The following PRKAG2 variants were observed in gnomAD, a reference collection of about 807,000 sequenced individuals.
PRKAG2 encodes the protein 5'-AMP-activated protein kinase subunit gamma-2.
In PRKAG2, 26 loss-of-function variants were observed where a neutral mutation model predicts 69.6. That is an observed-to-expected ratio of 0.37 (90% CI 0.27 to 0.52). The LOEUF (loss-of-function observed/expected upper bound fraction) is 0.52. PRKAG2 is among the 20% of genes least tolerant of loss of function. The probability of loss-of-function intolerance (pLI) is 0.90; values close to 1 mark genes in which losing one functional copy is unlikely to be tolerated. For synonymous variants in PRKAG2, 293 were observed against 285.0 expected, an observed-to-expected ratio of 1.03 and a Z score of -0.28; for missense variants, 557 against 740.0, an observed-to-expected ratio of 0.75 and a Z score of 2.87.
chr7:151,589,222 G>A lies in PRKAG2; in HGVS notation c.864+6123C>T, dbSNP rs115662703. 4.4e-3 allele frequency among the ~76,000 whole-genome samples: 663 copies of A among 152,318 alleles called. 5 individuals carry two copies. The highest frequency in any genetic ancestry group is 0.015 in the African/African-American group (612 of 41,570). On this transcript the variant is annotated intron_variant, in intron 6 of 15. Coordinates refer to ENST00000287878, the MANE Select transcript of PRKAG2 (RefSeq NM_016203.4). The stretch of plus-strand genomic sequence containing the variant: ...CACCGAGGCACCTCCTGTAGCAGCG[G>A]CTGAATACAGTTTGTTGTTTTCCCA...
At chr7:151,625,983 A>T (rs1822791932) in intron 5 of PRKAG2, among the ~76,000 whole-genome samples, 1 of 152,004 alleles carries the variant, frequency 6.6e-6, no homozygotes, top group African/African-American at 2.4e-5. Flanking sequence ...ATGGGTAAGG[A>T]CTCAGCACAG....
Position 151,658,196 on chromosome 7 carries a change from A to AATAAATAAATAT in PRKAG2, c.684+17223_684+17224insATATTTATTTAT, listed in dbSNP as rs60693509. Among the ~76,000 whole-genome samples, 305 of 142,374 alleles carry AATAAATAAATAT rather than the reference A, an allele frequency of 2.1e-3. 3 individuals are homozygous for AATAAATAAATAT. The highest frequency in any genetic ancestry group is 6.9e-3 in the African/African-American group (263 of 37,890). 93.4% of individuals were successfully genotyped at this position (142,374 alleles called of 152,430 possible). A position where few individuals can be genotyped will look rare whatever the true frequency, so the allele number is the denominator to read the frequency against. ...AAATAAATAAATAAATAAATAAATA[A>AATAAATAAATAT]GAATAATAGGGCTGGGTGCAGTGGC... On this transcript the variant is annotated intron_variant, in intron 4 of 15. Transcript: ENST00000287878.
At chr7:151,817,089 G>T (rs545862252) in intron 1 of PRKAG2, among the ~76,000 whole-genome samples, 1 of 152,246 alleles carries the variant, frequency 6.6e-6, no homozygotes, top group South Asian at 2.1e-4. Flanking sequence ...CGCAAGCACG[G>T]TCACTGTCTT....
intron 3 of PRKAG2, among the ~76,000 whole-genome samples, chr7:151,728,853 G>T (rs907578655): frequency 1.3e-5 from 2 of 152,162 alleles, no homozygotes; most frequent in African/African-American, 4.8e-5. Flanking sequence ...ATGCTCACCT[G>T]TTCCTGGGGA....
chr7:151,695,422 G>C (rs932829599), intron 3 of PRKAG2, among the ~76,000 whole-genome samples: 2 of 152,164 alleles, frequency 1.3e-5, no homozygotes, highest in Non-Finnish European at 2.9e-5. Context: ...AGTCCAGAGA[G>C]CATGAGCCCA....
chr7:151,595,862 A>C (rs932471128), intron 5 of PRKAG2, among the ~76,000 whole-genome samples: 2 of 152,164 alleles, frequency 1.3e-5, no homozygotes, highest in African/African-American at 4.8e-5. Flanking sequence ...AAAAGTTGGA[A>C]GCTTTCCCTT....
intron 3 of PRKAG2, among the ~76,000 whole-genome samples, chr7:151,749,862 C>T (rs1308386704): frequency 2.0e-5 from 3 of 151,448 alleles, no homozygotes; most frequent in East Asian, 1.9e-4. Context: ...TTTGGGAGGC[C>T]GAGGTGGGCA....
intron 4 of PRKAG2, among the ~76,000 whole-genome samples, chr7:151,646,609 C>T (rs755033012): frequency 7.2e-5 from 11 of 152,178 alleles, no homozygotes; most frequent in Non-Finnish European, 1.0e-4. Flanking sequence ...TAAGTAATCA[C>T]ATCATCTACT....
chr7:151,593,518 T>C (rs1440417134), intron 6 of PRKAG2, among the ~76,000 whole-genome samples: 2 of 152,120 alleles, frequency 1.3e-5, no homozygotes, highest in Non-Finnish European at 2.9e-5. Flanking sequence ...TTTAAGTTGG[T>C]AGAAATGCCG....
chr7:151,856,234 G>A (rs1292250472), intron 1 of PRKAG2, among the ~76,000 whole-genome samples: 1 of 152,206 alleles, frequency 6.6e-6, no homozygotes, highest in African/African-American at 2.4e-5. Flanking sequence ...GGGCCATCAG[G>A]GAGCCTGTCC....
rs115241491 is a variant in PRKAG2 at position 151,662,568 on chromosome 7, T to C, written c.684+12852A>G. On this transcript the variant is annotated intron_variant, in intron 4 of 15. Coordinates refer to ENST00000287878, the MANE Select transcript of PRKAG2 (RefSeq NM_016203.4). ...TTACTGGTTTTCTGGTTTAGTCTTT[T>C]CCGCATAAATTCCAGCCTCTAGCCT... Among the ~76,000 whole-genome samples the C allele has an allele frequency of 4.5e-3, 693 of 152,318 alleles. 3 individuals are homozygous for C. The highest frequency in any genetic ancestry group is 0.017 in the Middle Eastern group (5 of 294).
At position 151,850,707 on chromosome 7, in the gene PRKAG2, G is replaced by A. The variant is rs1036152371; in HGVS notation, c.114+25800C>T. Among the ~76,000 whole-genome samples the A allele has an allele frequency of 3.3e-5, 5 of 152,216 alleles. No homozygotes were observed. The highest frequency in any genetic ancestry group is 4.8e-5 in the African/African-American group (2 of 41,456). On this transcript the variant is annotated intron_variant, in intron 1 of 15. Transcript: ENST00000287878. This position sits in a 1 kb window ranked among gnomAD's most constrained non-coding sequence, Gnocchi z 4.1. Reference sequence around the variant, plus strand: ...CCCACCAGCATCCACCCGCCCCACCGGCTTCTGCCAGAGGGAGGAGTCAGA... The same window carrying A: ...CCCACCAGCATCCACCCGCCCCACCAGCTTCTGCCAGAGGGAGGAGTCAGA...
chr7:151,588,836 T>C (rs1563199330), intron 6 of PRKAG2, among the ~76,000 whole-genome samples: 1 of 152,268 alleles, frequency 6.6e-6, no homozygotes, highest in East Asian at 1.9e-4. Flanking sequence ...CAGTCTCAGG[T>C]ATGTCTTTAT....
intron 4 of PRKAG2, among the ~76,000 whole-genome samples, chr7:151,663,259 C>T (rs1218220554): frequency 1.3e-5 from 2 of 152,156 alleles, no homozygotes. Context: ...TATGTTACTC[C>T]AAATCTCCTC....
At chr7:151,818,913 T>C (rs1449502659) in intron 1 of PRKAG2, among the ~76,000 whole-genome samples, 1 of 152,250 alleles carries the variant, frequency 6.6e-6, no homozygotes, top group Non-Finnish European at 1.5e-5. Context: ...TCATGAACTC[T>C]GTGCAATATG....
At chr7:151,683,401 C>A (rs965255100) in intron 3 of PRKAG2, among the ~76,000 whole-genome samples, 4 of 152,218 alleles carry the variant, frequency 2.6e-5, no homozygotes, top group Non-Finnish European at 5.9e-5. Flanking sequence ...GACAAATCCA[C>A]CCCTTGCCTT....
intron 5 of PRKAG2, among the ~76,000 whole-genome samples, chr7:151,626,514 G>A (rs988478048): frequency 5.9e-5 from 9 of 152,186 alleles, no homozygotes; most frequent in African/African-American, 2.2e-4. Context: ...GGGAAGGGTA[G>A]AGTTTGGAAA....
At chr7:151,736,362 G>T in intron 3 of PRKAG2, 1 of 1,038,530 alleles carries the variant, frequency 9.6e-7, no homozygotes. Flanking sequence ...AAGGTCAGCT[G>T]CTCACTGATA....
intron 3 of PRKAG2, among the ~76,000 whole-genome samples, chr7:151,725,080 T>TC (rs953715007): frequency 1.6e-4 from 24 of 152,058 alleles, no homozygotes; most frequent in African/African-American, 5.5e-4. Context: ...CGGCCCTGCC[T>TC]CAAAGGGCCT....
Sources: gnomAD v4.1 joint callset for allele counts (sites outside exome capture counted in the v4.1 genomes callset) on GRCh38, gnomAD v4.1.1 for gene constraint, Gnocchi (gnomAD v3.1) non-coding constraint, MANE v1.5 for transcripts, NCBI Gene and HGNC (gene_info 2026-07-23, HGNC 2026-07-21) for gene names.